The following BAZ2B variants were observed in gnomAD, a reference collection of about 807,000 sequenced individuals.
BAZ2B encodes the protein bromodomain adjacent to zinc finger domain 2B.
A neutral mutation model predicts 246.0 loss-of-function variants in BAZ2B; 91 were observed. That is an observed-to-expected ratio of 0.37 (90% CI 0.31 to 0.44). The LOEUF (loss-of-function observed/expected upper bound fraction) is 0.44. Among genes scored for constraint, BAZ2B ranks in the 20% least tolerant of loss-of-function variants. The pLI is 1.00. For missense variants in BAZ2B, 2,332 were observed against 2,533.7 expected (o/e 0.92, Z 1.71); for synonymous variants, 855 against 860.0 (o/e 0.99, Z 0.10).
At chr2:159,591,945 C>T (rs986613436) in intron 1 of BAZ2B, among the ~76,000 whole-genome samples, 2 of 151,988 alleles carry the variant, frequency 1.3e-5, no homozygotes, top group African/African-American at 2.4e-5. Flanking sequence ...CAAGGCAAGA[C>T]GCTATCTCTA....
intron 1 of BAZ2B, among the ~76,000 whole-genome samples, chr2:159,556,898 A>G (rs7562052): frequency 6.6e-6 from 1 of 152,146 alleles, no homozygotes; most frequent in Non-Finnish European, 1.5e-5. Flanking sequence ...CTCATAACGA[A>G]TCCTTCAAAG....
intron 25 of BAZ2B, among the ~76,000 whole-genome samples, chr2:159,382,350 T>C (rs2062089705): frequency 6.6e-6 from 1 of 152,212 alleles, no homozygotes; most frequent in African/African-American, 2.4e-5. Flanking sequence ...TAGTGTCTTT[T>C]ATGTATAGAC....
intron 3 of BAZ2B, among the ~76,000 whole-genome samples, chr2:159,454,177 T>C (rs2075436972): frequency 6.6e-6 from 1 of 152,096 alleles, no homozygotes; most frequent in Non-Finnish European, 1.5e-5. Flanking sequence ...AAACATCCTA[T>C]TAATCTAAGG....
chr2:159,662,990 C>A, the BAZ2B span, among the ~76,000 whole-genome samples: 1 of 151,890 alleles, frequency 6.6e-6, no homozygotes, highest in Non-Finnish European at 1.5e-5. Context: ...TATTTTGATT[C>A]TTTGTCCATT....
chr2:159,462,592 G>A lies in BAZ2B; in HGVS notation c.146-8791C>T, dbSNP rs188661647. 497 of 875,774 alleles carry A rather than the reference G, an allele frequency of 5.7e-4. 5 individuals carry two copies. In the East Asian group the frequency reaches 0.011, roughly 19 times the overall value. 54.3% of individuals were successfully genotyped at this position (875,774 alleles called of 1,614,324 possible). A position where few individuals can be genotyped will look rare whatever the true frequency, so the allele number is the denominator to read the frequency against. ...TAATAAACTCCTTGGCAGTTTGTGC[G>A]TCATTCGAAACAGTTAGCGAATCCT... On this transcript the variant is annotated intron_variant, in intron 3 of 36. Coordinates refer to ENST00000392783, the MANE Select transcript of BAZ2B (RefSeq NM_013450.4).
intron 23 of BAZ2B, 133 bp from the exon 24 acceptor site, chr2:159,383,813 C>A: frequency 8.7e-6 from 6 of 689,654 alleles, no homozygotes; most frequent in South Asian, 1.8e-5. Flanking sequence ...TGACCTCATG[C>A]ATATACACGT....
At chr2:159,627,459 G>A in the BAZ2B span, among the ~76,000 whole-genome samples, 2 of 151,806 alleles carry the variant, frequency 1.3e-5, no homozygotes, top group Non-Finnish European at 2.9e-5. Flanking sequence ...ACATCAAAAA[G>A]CTTATCCACC....
At chr2:159,627,518 G>A in the BAZ2B span, among the ~76,000 whole-genome samples, 2 of 152,056 alleles carry the variant, frequency 1.3e-5, no homozygotes, top group African/African-American at 4.8e-5. Flanking sequence ...TTCAACATAT[G>A]CAAATCAATA....
intron 1 of BAZ2B, among the ~76,000 whole-genome samples, chr2:159,574,749 G>C (rs746859851): frequency 1.3e-5 from 2 of 152,140 alleles, no homozygotes; most frequent in Non-Finnish European, 2.9e-5. Context: ...ACTTTGGGAG[G>C]CTGAGGCAGG....
At position 159,325,690 on chromosome 2, in the gene BAZ2B, G is replaced by A; in HGVS notation, c.6172C>T (p.Pro2058Ser). The change falls in exon 35 of 37, where the codon CCT (proline) becomes TCT (serine). Residue 2058 changes from proline (P) to serine (S), a missense_variant. Coordinates refer to ENST00000392783, the MANE Select transcript of BAZ2B (RefSeq NM_013450.4). Reference sequence around the variant, plus strand: ...AGGTCCTTGGAGTCATCTCTTTTAGGTTTCTTAACTGAAGTAAAACTTTCT... The same window carrying A: ...AGGTCCTTGGAGTCATCTCTTTTAGATTTCTTAACTGAAGTAAAACTTTCT... ...KQESFTSVKK[P>S]KRDDSKDLAL... 1.3e-6 allele frequency: 2 copies of A among 1,594,436 alleles called. No homozygotes were observed. The highest frequency in any genetic ancestry group is 8.5e-7 in the Non-Finnish European group (1 of 1,175,724).
chr2:159,680,389 G>T, the BAZ2B span, among the ~76,000 whole-genome samples: 2 of 152,166 alleles, frequency 1.3e-5, no homozygotes, highest in African/African-American at 4.8e-5. Context: ...GTTAGATTCT[G>T]ATAGAATAAG....
upstream of BAZ2B, among the ~76,000 whole-genome samples, chr2:159,618,989 A>C (rs894127193): frequency 2.6e-5 from 4 of 152,264 alleles, no homozygotes; most frequent in Admixed American, 6.5e-5. Context: ...CAATGGTTTC[A>C]TAATGATATG....
chr2:159,570,604 G>C (rs1278945806), intron 1 of BAZ2B, among the ~76,000 whole-genome samples: 1 of 152,026 alleles, frequency 6.6e-6, no homozygotes, highest in Non-Finnish European at 1.5e-5. Flanking sequence ...ACCTCACCTT[G>C]ACTGACCCTT....
chr2:159,429,826 G>T (rs1288615783), intron 10 of BAZ2B, among the ~76,000 whole-genome samples: 1 of 152,090 alleles, frequency 6.6e-6, no homozygotes. Context: ...AAAATTAGTA[G>T]GCTATCATAT....
the BAZ2B span, among the ~76,000 whole-genome samples, chr2:159,645,033 G>A: frequency 3.9e-5 from 6 of 152,122 alleles, no homozygotes; most frequent in Admixed American, 3.9e-4. Flanking sequence ...CCAGCATTTT[G>A]AGAGCCCAAG....
intron 10 of BAZ2B, among the ~76,000 whole-genome samples, 176 bp from the exon 11 acceptor site, chr2:159,429,436 GC>G (rs1217569810): frequency 6.6e-6 from 1 of 151,906 alleles, no homozygotes; most frequent in Non-Finnish European, 1.5e-5. Context: ...AAGGCAGGGG[GC>G]TTTTTTCTTC....
intron 2 of BAZ2B, among the ~76,000 whole-genome samples, chr2:159,523,483 A>T (rs903462058): frequency 5.9e-5 from 9 of 152,054 alleles, no homozygotes; most frequent in Non-Finnish European, 1.5e-5. Context: ...AGGCGGGCGG[A>T]TCACAAGATC....
At chr2:159,642,587 T>C in the BAZ2B span, among the ~76,000 whole-genome samples, 1 of 152,132 alleles carries the variant, frequency 6.6e-6, no homozygotes, top group Admixed American at 6.6e-5. Context: ...TCCTGTGACT[T>C]TTACTAATTT....
chr2:159,588,549 T>C (rs1263611983), intron 1 of BAZ2B, among the ~76,000 whole-genome samples: 2 of 152,106 alleles, frequency 1.3e-5, no homozygotes, highest in South Asian at 2.1e-4. Flanking sequence ...AATATGACCA[T>C]AGTCCATTAT....
Sources: gnomAD v4.1 joint callset for allele counts (sites outside exome capture counted in the v4.1 genomes callset) on GRCh38, gnomAD v4.1.1 for gene constraint, MANE v1.5 for transcripts, NCBI Gene and HGNC (gene_info 2026-07-23, HGNC 2026-07-21) for gene names.